The following STX18 variants were observed in gnomAD, a reference collection of about 807,000 sequenced individuals.
STX18 encodes syntaxin-18.
A neutral mutation model predicts 50.1 loss-of-function variants in STX18; 40 were observed. That is an observed-to-expected ratio of 0.80 (90% confidence interval 0.62 to 1.04). STX18 has a LOEUF of 1.04. STX18 is among the 50% of genes least tolerant of loss of function. STX18 has a pLI of 0.00. For synonymous variants in STX18, 158 were observed against 151.8 expected (o/e 1.04, Z -0.30); for missense variants, 410 against 415.8 (o/e 0.99, Z 0.12).
intron 1 of STX18, among the ~76,000 whole-genome samples, chr4:4,535,865 A>C (rs1272171126): frequency 2.0e-5 from 3 of 152,090 alleles, no homozygotes; most frequent in Non-Finnish European, 4.4e-5. Context: ...AAATCCCCTA[A>C]CTATGATTAT....
intron 1 of STX18, among the ~76,000 whole-genome samples, chr4:4,493,998 T>A (rs1262497786): frequency 6.6e-6 from 1 of 152,214 alleles, no homozygotes; most frequent in Non-Finnish European, 1.5e-5. Context: ...TAAATATATG[T>A]TATTTTTCAG....
chr4:4,457,560 A>T, intron 3 of STX18, 60 bp from the exon 4 acceptor site: 1 of 1,269,060 alleles, frequency 7.9e-7, no homozygotes, highest in Non-Finnish European at 1.1e-6. Flanking sequence ...AGAGCAATTC[A>T]TCAGCTTCCT....
chr4:4,497,795 C>T (rs531520364), intron 1 of STX18, among the ~76,000 whole-genome samples: 2 of 152,272 alleles, frequency 1.3e-5, no homozygotes, highest in South Asian at 2.1e-4. Flanking sequence ...AAAATGTGTT[C>T]GCCGATCCTC....
In STX18 at chr4:4,462,425, C is replaced by T. The variant is rs137960372; in HGVS notation, c.237-2938G>A. On this transcript the variant is annotated intron_variant, in intron 2 of 10. Transcript: ENST00000306200. ...ATTCATTCACATGATAAATACATGG[C>T]AGGATTGGGACTGGAACTTAGGTGT... Among the ~76,000 whole-genome samples the T allele has an allele frequency of 8.1e-4, 123 of 152,270 alleles. 1 individual carries two copies. The highest frequency in any genetic ancestry group is 2.6e-3 in the African/African-American group (108 of 41,550).
At chr4:4,467,968 A>G (rs2108830905) in intron 2 of STX18, among the ~76,000 whole-genome samples, 1 of 152,326 alleles carries the variant, frequency 6.6e-6, no homozygotes, top group East Asian at 1.9e-4. Context: ...ACAGGATCAA[A>G]GGCTGTGGCA....
chr4:4,422,520 G>A (rs1725018938), intron 9 of STX18, among the ~76,000 whole-genome samples: 1 of 145,056 alleles, frequency 6.9e-6, no homozygotes, highest in African/African-American at 2.6e-5. Flanking sequence ...AGTGAGCCAA[G>A]ATAGCAACAT....
At chr4:4,470,866 T>C (rs1184624541) in intron 2 of STX18, among the ~76,000 whole-genome samples, 2 of 152,098 alleles carry the variant, frequency 1.3e-5, no homozygotes, top group Non-Finnish European at 1.5e-5. Context: ...GAGACCGCAG[T>C]GTAGAGGCTG....
At chr4:4,516,429 C>T (rs1402298044) in intron 1 of STX18, among the ~76,000 whole-genome samples, 5 of 152,030 alleles carry the variant, frequency 3.3e-5, no homozygotes, top group Non-Finnish European at 7.4e-5. Context: ...TGCTACATCT[C>T]GTACATATTT....
intron 1 of STX18, among the ~76,000 whole-genome samples, chr4:4,520,876 T>C (rs1356480019): frequency 6.6e-6 from 1 of 152,238 alleles, no homozygotes; most frequent in African/African-American, 2.4e-5. Context: ...AAACATAAGA[T>C]GTCCACATGT....
intron 5 of STX18, among the ~76,000 whole-genome samples, chr4:4,439,232 C>T (rs1725964204): frequency 9.1e-6 from 1 of 109,754 alleles, no homozygotes; most frequent in African/African-American, 6.8e-5. Context: ...CCCACATATA[C>T]ACACACACCA....
In STX18 at chr4:4,505,628, A is replaced by AT. The variant is rs969586873; in HGVS notation, c.169-33923_169-33922insA. On this transcript the variant is annotated intron_variant, in intron 1 of 10. Transcript: ENST00000306200. ...AACTCCATCTCTGCTAAAAATAAAA[A>AT]AAAAAAAAAAATCAGCCAGGCATGG... 2.6e-5 allele frequency among the ~76,000 whole-genome samples: 4 copies of AT among 152,016 alleles called. No individual in the cohort carries two copies. The South Asian group carries it at 6.3e-4, about 24-fold the overall frequency.
At chr4:4,519,002 CA>C (rs1730401421) in intron 1 of STX18, among the ~76,000 whole-genome samples, 1 of 152,136 alleles carries the variant, frequency 6.6e-6, no homozygotes, top group South Asian at 2.1e-4. Context: ...TAGTAAATGG[CA>C]CTCCAAGTGG....
intron 1 of STX18, among the ~76,000 whole-genome samples, chr4:4,484,143 T>C (rs927115152): frequency 1.3e-5 from 2 of 152,196 alleles, no homozygotes; most frequent in Non-Finnish European, 2.9e-5. Flanking sequence ...ATTACAGGTG[T>C]GAGCCACCGT....
At chr4:4,505,158 C>T (rs1166452107) in intron 1 of STX18, among the ~76,000 whole-genome samples, 1 of 152,294 alleles carries the variant, frequency 6.6e-6, no homozygotes, top group Non-Finnish European at 1.5e-5. Context: ...ATTTCATATA[C>T]AGCAGTTCCT....
intron 1 of STX18, among the ~76,000 whole-genome samples, chr4:4,474,170 C>T (rs35310781): frequency 0.033 from 4,974 of 152,286 alleles, 108 homozygotes; most frequent in Non-Finnish European, 0.05. Context: ...CCTACACTCC[C>T]AGCTGCAGTC....
intron 6 of STX18, among the ~76,000 whole-genome samples, chr4:4,436,570 G>A (rs1577320219): frequency 1.3e-5 from 2 of 152,182 alleles, no homozygotes; most frequent in Admixed American, 1.3e-4. Context: ...GCTAGAATGG[G>A]AAAGTTTTCT....
rs181740384 is a variant in STX18 at position 4,469,919 on chromosome 4, G to A, written c.236+1720C>T. On this transcript the variant is annotated intron_variant, in intron 2 of 10. Coordinates refer to ENST00000306200, the MANE Select transcript of STX18 (RefSeq NM_016930.4). ...AGTAGGCTCTGATGCCACCTCGATG[G>A]GGCCTTCCTGACTACTCTGTGTAAG... Among the ~76,000 whole-genome samples the A allele has an allele frequency of 1.3e-3, 192 of 152,198 alleles. 2 individuals are homozygous for A. Among genetic ancestry groups the A allele is most frequent in the East Asian group, 3.9e-4 (2 of 5,170 alleles).
chr4:4,518,376 T>G (rs923992236), intron 1 of STX18, among the ~76,000 whole-genome samples: 15 of 152,362 alleles, frequency 9.8e-5, no homozygotes, highest in Admixed American at 9.8e-4. Context: ...ATAAGGCATT[T>G]GTATAGAAAA....
intron 5 of STX18, among the ~76,000 whole-genome samples, chr4:4,449,522 G>C (rs1331529574): frequency 2.0e-5 from 3 of 152,160 alleles, no homozygotes; most frequent in African/African-American, 7.2e-5. Context: ...CACTTATTCT[G>C]TAAGAGATCT....
Sources: allele counts gnomAD v4.1 joint callset (sites outside exome capture counted in the v4.1 genomes callset), GRCh38; gene constraint gnomAD v4.1.1; transcripts MANE v1.5; gene names NCBI Gene and HGNC (gene_info 2026-07-23, HGNC 2026-07-21).